The following EYA4 variants were observed in gnomAD, a reference collection of about 807,000 sequenced individuals.
The protein encoded by EYA4 is EYA transcriptional coactivator and phosphatase 4.
A neutral mutation model predicts 87.9 loss-of-function variants in EYA4; 31 were observed. That is an observed-to-expected ratio of 0.35 (90% CI 0.27 to 0.48). EYA4 has a LOEUF of 0.48. Ranked by LOEUF, EYA4 falls within the 20% of genes least tolerant of loss-of-function variation. The pLI is 0.99. For missense variants in EYA4, 678 were observed against 761.4 expected, an observed-to-expected ratio of 0.89 and a Z score of 1.29; for synonymous variants, 263 against 270.6, an observed-to-expected ratio of 0.97 and a Z score of 0.28.
intron 2 of EYA4, among the ~76,000 whole-genome samples, chr6:133,339,933 A>G (rs1467603608): frequency 6.6e-6 from 1 of 152,186 alleles, no homozygotes; most frequent in Admixed American, 6.5e-5. Flanking sequence ...ACGGTGGCCA[A>G]GGATGGATTA....
chr6:133,293,432 C>T (rs761834254), intron 2 of EYA4, among the ~76,000 whole-genome samples: 1 of 152,020 alleles, frequency 6.6e-6, no homozygotes, highest in Non-Finnish European at 1.5e-5. Flanking sequence ...CTCAGAAACA[C>T]TTGATGACTG....
At chr6:133,328,198 A>T (rs549350761) in intron 2 of EYA4, among the ~76,000 whole-genome samples, 1 of 152,316 alleles carries the variant, frequency 6.6e-6, no homozygotes, top group South Asian at 2.1e-4. Flanking sequence ...AAGAATCAAC[A>T]ATATCATGCA....
chr6:133,299,871 CTT>C (rs1779239966), intron 2 of EYA4, among the ~76,000 whole-genome samples: 1 of 150,842 alleles, frequency 6.6e-6, no homozygotes, highest in Admixed American at 6.6e-5. Context: ...GGGGTGCTAA[CTT>C]TATATATATA....
intron 2 of EYA4, among the ~76,000 whole-genome samples, chr6:133,299,749 TAAAATAAAA>T (rs770292978): frequency 1.1e-5 from 1 of 93,334 alleles, no homozygotes; most frequent in African/African-American, 4.3e-5. Context: ...TAAAATAAAA[TAAAATAAAA>T]TAAAATAAAA....
intron 2 of EYA4, among the ~76,000 whole-genome samples, chr6:133,304,750 C>G (rs918644822): frequency 6.6e-6 from 1 of 152,134 alleles, no homozygotes; most frequent in Non-Finnish European, 1.5e-5. Context: ...TACAAATGAT[C>G]TATCTTTCAG....
chr6:133,487,323 ACAAGTCCTGCTGCTCT>A lies in EYA4; in HGVS notation c.1191+4209_1191+4224del, dbSNP rs1395293887. Among the ~76,000 whole-genome samples, 9 of 152,280 alleles carry A rather than the reference ACAAGTCCTGCTGCTCT, an allele frequency of 5.9e-5. No individual in the cohort carries two copies. In the South Asian group the frequency reaches 1.9e-3, roughly 32 times the overall value. On this transcript the variant is annotated intron_variant, in intron 13 of 19. Coordinates refer to ENST00000355286, the MANE Select transcript of EYA4 (RefSeq NM_004100.5). ...AGGCCACAAGGACCGCAATTCCTGG[ACAAGTCCTGCTGCTCT>A]GCTGGGCTTGAAGCCAGTGGACTCG... is the stretch of plus-strand genomic sequence containing the variant.
chr6:133,343,508 A>T (rs1418766385), intron 2 of EYA4, among the ~76,000 whole-genome samples: 1 of 151,558 alleles, frequency 6.6e-6, no homozygotes, highest in Non-Finnish European at 1.5e-5. Context: ...CGAGTTCCCT[A>T]GCAGATAGCC....
chr6:133,376,573 A>G (rs1411344345), intron 2 of EYA4, among the ~76,000 whole-genome samples: 1 of 151,958 alleles, frequency 6.6e-6, no homozygotes, highest in Admixed American at 6.6e-5. Flanking sequence ...GAGCCCAGCT[A>G]TTTTGGAAGA....
chr6:133,275,045 G>T (rs1777052812), intron 2 of EYA4, among the ~76,000 whole-genome samples: 1 of 152,022 alleles, frequency 6.6e-6, no homozygotes, highest in Non-Finnish European at 1.5e-5. Context: ...GAAAACTAGT[G>T]GTGGAAAGAC....
intron 2 of EYA4, among the ~76,000 whole-genome samples, chr6:133,277,721 C>T (rs1457880096): frequency 6.6e-6 from 1 of 152,204 alleles, no homozygotes; most frequent in Non-Finnish European, 1.5e-5. Context: ...TTCCCTCTCC[C>T]AGCTTTTCTT....
intron 13 of EYA4, among the ~76,000 whole-genome samples, chr6:133,487,280 C>T (rs1174729395): frequency 5.3e-5 from 8 of 152,204 alleles, no homozygotes; most frequent in Non-Finnish European, 1.2e-4. Flanking sequence ...ATAAAGTGCT[C>T]TGGGGTCCAG....
chr6:133,282,545 AT>A (rs1287357665), intron 2 of EYA4, among the ~76,000 whole-genome samples: 3 of 151,850 alleles, frequency 2.0e-5, no homozygotes, highest in Admixed American at 6.6e-5. Context: ...ATTTGTTAAA[AT>A]TTTTTCTCAA....
At chr6:133,245,643 G>A (rs1227513930) in intron 1 of EYA4, among the ~76,000 whole-genome samples, 2 of 152,190 alleles carry the variant, frequency 1.3e-5, no homozygotes, top group African/African-American at 2.4e-5. Context: ...CTGGAGATGG[G>A]TGAGATGCAA....
chr6:133,456,319 T>C (rs774574745), intron 5 of EYA4, among the ~76,000 whole-genome samples: 3 of 152,156 alleles, frequency 2.0e-5, no homozygotes, highest in Non-Finnish European at 4.4e-5. Flanking sequence ...TGTTTCACTT[T>C]TTAAGGCTGA....
chr6:133,436,178 C>T (rs1286183512), intron 3 of EYA4, among the ~76,000 whole-genome samples: 1 of 151,642 alleles, frequency 6.6e-6, no homozygotes, highest in Non-Finnish European at 1.5e-5. Flanking sequence ...AAGATCGTGC[C>T]GTTGCACTCC....
chr6:133,300,061 G>A (rs762213820), intron 2 of EYA4, among the ~76,000 whole-genome samples: 1 of 151,396 alleles, frequency 6.6e-6, no homozygotes, highest in Non-Finnish European at 1.5e-5. Flanking sequence ...CACATTTTTT[G>A]GTGTTACGTA....
At chr6:133,289,632 A>G (rs527575894) in intron 2 of EYA4, among the ~76,000 whole-genome samples, 42 of 152,270 alleles carry the variant, frequency 2.8e-4, no homozygotes, top group African/African-American at 9.9e-4. Context: ...TTTTCCTTGG[A>G]TATTAGCATC....
intron 2 of EYA4, among the ~76,000 whole-genome samples, chr6:133,378,015 A>G (rs1369167532): frequency 2.6e-5 from 4 of 151,964 alleles, no homozygotes; most frequent in African/African-American, 9.7e-5. Context: ...AAATTTTTGG[A>G]AGTGATGGAT....
chr6:133,298,762 TA>T (rs1199058210), intron 2 of EYA4, among the ~76,000 whole-genome samples: 1 of 152,224 alleles, frequency 6.6e-6, no homozygotes, highest in Non-Finnish European at 1.5e-5. Context: ...AATTATTTGC[TA>T]AAAATATGAG....
Sources: gnomAD v4.1 joint callset for allele counts (sites outside exome capture counted in the v4.1 genomes callset) on GRCh38, gnomAD v4.1.1 for gene constraint, MANE v1.5 for transcripts, NCBI Gene and HGNC (gene_info 2026-07-23, HGNC 2026-07-21) for gene names.